Variants in FGF20 observed in about 807,000 individuals in gnomAD.
FGF20 encodes the protein fibroblast growth factor 20.
In FGF20, 8 loss-of-function variants were observed where a neutral mutation model predicts 16.7. The observed-to-expected ratio is 0.48, with a 90% CI of 0.28 to 0.87. The LOEUF (loss-of-function observed/expected upper bound fraction) is 0.87. Ranked by LOEUF, FGF20 falls within the 40% of genes least tolerant of loss-of-function variation. The pLI, the probability that FGF20 is intolerant of heterozygous loss-of-function variation, is 0.10. For missense variants in FGF20, 397 were observed against 281.4 expected (o/e 1.41, Z -2.94); for synonymous variants, 161 against 118.6 (o/e 1.36, Z -2.32).
At chr8:16,996,451 G>C (rs1353627998) in intron 1 of FGF20, among the ~76,000 whole-genome samples, 2 of 152,164 alleles carry the variant, frequency 1.3e-5, no homozygotes, top group Non-Finnish European at 2.9e-5. Flanking sequence ...TGGATGAAAT[G>C]CCTCCCTAAA....
At chr8:16,995,986 A>G (rs1409119641) in intron 1 of FGF20, among the ~76,000 whole-genome samples, 3 of 152,174 alleles carry the variant, frequency 2.0e-5, no homozygotes, top group African/African-American at 4.8e-5. Flanking sequence ...ACAATCAAGT[A>G]TAAAGGGGTT....
Position 16,992,959 on chromosome 8 carries a change from A to G in FGF20, c.*113T>C, listed in dbSNP as rs569516194. On this transcript the variant is annotated 3_prime_UTR_variant, in exon 3 of 3. Transcript: ENST00000180166. ...TTCTTTCCAAATCCAGTCTCTCAGT[A>G]GAAAATAGACTTTAATATTTTGAAC... 1 of 1,337,424 alleles carries G rather than the reference A, an allele frequency of 7.5e-7. No individual in the cohort carries two copies. The highest frequency in any genetic ancestry group is 1.5e-5 in the African/African-American group (1 of 68,430). 82.8% of individuals were successfully genotyped at this position (1,337,424 alleles called of 1,614,324 possible).
chr8:17,001,519 T>A (rs1267190725), intron 1 of FGF20, among the ~76,000 whole-genome samples: 1 of 152,106 alleles, frequency 6.6e-6, no homozygotes, highest in Non-Finnish European at 1.5e-5. Context: ...CTGGAGCTGC[T>A]GCCCTGCTAG....
chr8:17,001,861 C>T lies in FGF20; in HGVS notation c.172G>A (p.Ala58Thr). The change falls in exon 1 of 3, where the codon GCG becomes ACG. Residue 58 changes from alanine (A) to threonine (T), a missense_variant. By Grantham distance (58) the Ala-to-Thr change is moderately conservative. Transcript: ENST00000180166. ...ARGGPGAAQL[A>T]HLHGILRRRQ... ...CGGCGCAGGATGCCGTGCAGGTGCG[C>T]CAGCTGCGCAGCCCCCGGCCCGCCG... 2.0e-6 allele frequency: 3 copies of T among 1,485,094 alleles called. No homozygotes were observed. The highest frequency in any genetic ancestry group is 2.7e-6 in the Non-Finnish European group (3 of 1,119,426). The allele number at this position is 1,485,094 out of a possible 1,614,324, so 92.0% of individuals were successfully genotyped here. A position where few individuals can be genotyped will look rare whatever the true frequency, so the allele number is the denominator to read the frequency against.
chr8:16,997,182 C>A (rs1418635124), intron 1 of FGF20, among the ~76,000 whole-genome samples: 1 of 152,228 alleles, frequency 6.6e-6, no homozygotes, highest in Non-Finnish European at 1.5e-5. Flanking sequence ...ACACCTCCCT[C>A]TGGATCACCC....
intron 1 of FGF20, among the ~76,000 whole-genome samples, chr8:17,000,395 C>T (rs1478624185): frequency 1.3e-5 from 2 of 152,104 alleles, no homozygotes; most frequent in African/African-American, 2.4e-5. Flanking sequence ...CTGAGATTTA[C>T]ACTTCTCCAA....
At position 17,001,602 on chromosome 8, in the gene FGF20, C is replaced by CGT. The variant is rs1810184959; in HGVS notation, c.286+143_286+144dup. On this transcript the variant is annotated intron_variant, in intron 1 of 2. Transcript: ENST00000180166. ...TGGCCAGCCCTTCAGCCCCAGCCTG[C>CGT]GTCTTGCACCGGATGGGTCCAGGGG... The CGT allele has an allele frequency of 7.8e-6, 7 of 897,870 alleles. No individual in the cohort carries two copies. In the South Asian group the frequency reaches 2.4e-4, roughly 30 times the overall value. The allele number at this position is 897,870 out of a possible 1,614,324, so 55.6% of individuals were successfully genotyped here.
intron 1 of FGF20, among the ~76,000 whole-genome samples, chr8:16,996,402 A>G (rs1810048090): frequency 6.8e-6 from 1 of 147,932 alleles, no homozygotes. Context: ...CAGGCAAGTC[A>G]TTTGTCTTCT....
chr8:17,001,425 G>C (rs1348238574), intron 1 of FGF20, among the ~76,000 whole-genome samples: 1 of 152,120 alleles, frequency 6.6e-6, no homozygotes, highest in Non-Finnish European at 1.5e-5. Context: ...ACCAGGTCTT[G>C]GTGTCCCCGG....
In FGF20 at chr8:16,993,125, C is replaced by G. The variant is rs1212546905; in HGVS notation, c.583G>C (p.Val195Leu). ...QKFTHFLPRP[V>L]DPERVPELYK... ...AATTCTGGAACTCTTTCTGGATCCA[C>G]TGGTCTAGGTAAGAAATGTGTAAAT... The change falls in exon 3 of 3, where the codon GTG becomes CTG. Residue 195 changes from valine to leucine, a missense_variant. Transcript: ENST00000180166. 3 of 1,613,980 alleles carry G rather than the reference C, an allele frequency of 1.9e-6. No individual in the cohort carries two copies. The highest frequency in any genetic ancestry group is 2.5e-6 in the Non-Finnish European group (3 of 1,180,004).
chr8:16,995,420 T>C (rs1810020053), intron 2 of FGF20, among the ~76,000 whole-genome samples: 2 of 152,166 alleles, frequency 1.3e-5, no homozygotes, highest in Admixed American at 1.3e-4. Context: ...CTCAAGGTAA[T>C]GTATAGGAAG....
intron 1 of FGF20, among the ~76,000 whole-genome samples, chr8:16,998,999 A>T (rs1810122166): frequency 6.6e-6 from 1 of 152,232 alleles, no homozygotes; most frequent in Non-Finnish European, 1.5e-5. Flanking sequence ...TTTAATAATT[A>T]GTAACTGAAG....
intron 2 of FGF20, 92 bp from the exon 3 acceptor site, chr8:16,993,409 C>G: frequency 2.3e-6 from 3 of 1,293,800 alleles, no homozygotes; most frequent in Non-Finnish European, 3.2e-6. Context: ...ATTTCTTTGC[C>G]TTGTCAAAGA....
At chr8:16,998,813 C>T (rs1357566024) in intron 1 of FGF20, among the ~76,000 whole-genome samples, 1 of 151,108 alleles carries the variant, frequency 6.6e-6, no homozygotes. Context: ...GCTGTTCCTG[C>T]TGTGTACTAC....
At chr8:16,999,377 T>C (rs1464118629) in intron 1 of FGF20, among the ~76,000 whole-genome samples, 2 of 152,166 alleles carry the variant, frequency 1.3e-5, no homozygotes, top group African/African-American at 4.8e-5. Flanking sequence ...GAAATGCCGT[T>C]AAATGCCATT....
chr8:16,995,766 T>C lies in FGF20; in HGVS notation c.287-8A>G. 6.7e-7 allele frequency: 1 copy of C among 1,487,264 alleles called. No homozygotes were observed. Among genetic ancestry groups the C allele is most frequent in the Non-Finnish European group, 9.3e-7 (1 of 1,073,344 alleles). The allele number at this position is 1,487,264 out of a possible 1,614,324, so 92.1% of individuals were successfully genotyped here. A position where few individuals can be genotyped will look rare whatever the true frequency, so the allele number is the denominator to read the frequency against. On this transcript the variant is annotated splice_polypyrimidine_tract_variant and splice_region_variant and intron_variant, in intron 1 of 2. Coordinates refer to ENST00000180166, the MANE Select transcript of FGF20 (RefSeq NM_019851.3). ...TGATGAATTCCAAGATACCTGCATA[T>C]GTAAACAATTCATAAAAACACCATG...
At position 17,001,946 on chromosome 8, in the gene FGF20, A is replaced by G. The variant is rs769741929; in HGVS notation, c.87T>C (p.Pro29=). ...CCAGCAGCGGCGGCCGCTCCCCGGC[A>G]GGAGGCAACAGGAAATGCGAACCCA... ...QQVGSHFLLP[P]AGERPPLLGE... The change falls in exon 1 of 3, where the codon CCT becomes CCC. Residue 29 remains proline (P), a synonymous_variant. Transcript: ENST00000180166. 2 of 1,499,126 alleles carry G rather than the reference A, an allele frequency of 1.3e-6. No homozygotes were observed. The highest frequency in any genetic ancestry group is 1.3e-5 in the South Asian group (1 of 78,926). The allele number at this position is 1,499,126 out of a possible 1,614,324, so 92.9% of individuals were successfully genotyped here.
At chr8:16,999,688 A>ATTTT (rs59591258) in intron 1 of FGF20, among the ~76,000 whole-genome samples, 241 of 132,826 alleles carry the variant, frequency 1.8e-3, no homozygotes, top group Middle Eastern at 4.0e-3. Flanking sequence ...CGCCCAGCTA[A>ATTTT]TTTTTTTTTT....
chr8:16,998,671 A>G (rs761549428), intron 1 of FGF20, among the ~76,000 whole-genome samples: 1 of 152,166 alleles, frequency 6.6e-6, no homozygotes, highest in African/African-American at 2.4e-5. Context: ...GAGTCAACCC[A>G]CAATGCAACC....
Sources: gnomAD v4.1 joint callset for allele counts (sites outside exome capture counted in the v4.1 genomes callset) on GRCh38, gnomAD v4.1.1 for gene constraint, MANE v1.5 for transcripts, NCBI Gene and HGNC (gene_info 2026-07-23, HGNC 2026-07-21) for gene names.